The following CPS1 variants were observed in gnomAD, a reference collection of about 807,000 sequenced individuals.
CPS1 encodes carbamoyl-phosphate synthase [ammonia], mitochondrial.
In CPS1, 109 loss-of-function variants were observed where a neutral mutation model predicts 174.6. That is an observed-to-expected ratio of 0.62 (90% CI 0.53 to 0.73). The LOEUF (loss-of-function observed/expected upper bound fraction) is 0.73, where lower values mean the gene tolerates loss of function less well. Ranked by LOEUF, CPS1 falls within the 30% of genes least tolerant of loss-of-function variation. CPS1 has a pLI of 0.00. For missense variants in CPS1, 1,689 were observed against 1,821.9 expected (o/e 0.93, Z 1.33); for synonymous variants, 637 against 632.0 (o/e 1.01, Z -0.12).
At chr2:210,568,595 T>C (rs1697374788) in intron 1 of CPS1, among the ~76,000 whole-genome samples, 1 of 151,998 alleles carries the variant, frequency 6.6e-6, no homozygotes, top group Admixed American at 6.6e-5. Context: ...TGTGATGAGG[T>C]AGAACTATTT....
intron 20 of CPS1, 24 bp downstream of exon 20, chr2:210,612,317 A>G (rs1460230087): frequency 6.2e-7 from 1 of 1,610,380 alleles, no homozygotes; most frequent in East Asian, 2.2e-5. Flanking sequence ...AGGGGCCCAC[A>G]GCTACTAGTT....
chr2:210,491,743 G>A (rs1043808893), intron 1 of CPS1, among the ~76,000 whole-genome samples: 1 of 152,150 alleles, frequency 6.6e-6, no homozygotes, highest in Non-Finnish European at 1.5e-5. Context: ...GAACAGATCT[G>A]TCAGCCCTGG....
intron 1 of CPS1, among the ~76,000 whole-genome samples, chr2:210,568,258 A>G (rs1001204929): frequency 2.6e-5 from 4 of 152,106 alleles, no homozygotes; most frequent in African/African-American, 9.7e-5. Context: ...CGAGGAAGAC[A>G]TTTATGCACA....
At chr2:210,550,383 C>G (rs1003672240) in intron 1 of CPS1, among the ~76,000 whole-genome samples, 21 of 151,938 alleles carry the variant, frequency 1.4e-4, no homozygotes, top group African/African-American at 4.6e-4. Flanking sequence ...AATTGACATG[C>G]TCCAAGAGGA....
rs758724746 is a variant in CPS1, at chr2:210,608,507, G to A, written c.2339G>A (p.Arg780His). The change falls in exon 19 of 38, where the codon CGT (arginine) becomes CAT (histidine). Residue 780 changes from arginine (R) to histidine (H), a missense_variant. Transcript: ENST00000233072. Reference sequence around the variant, plus strand: ...AAGATTCCCCGCTGGGATCTTGACCGTTTTCATGGAACATCTAGCCGAATT... The same window carrying A: ...AAGATTCCCCGCTGGGATCTTGACCATTTTCATGGAACATCTAGCCGAATT... ...VTKIPRWDLD[R>H]FHGTSSRIGS... 23 of 1,612,086 alleles carry A rather than the reference G, an allele frequency of 1.4e-5. No individual in the cohort carries two copies. The highest frequency in any genetic ancestry group is 3.3e-5 in the South Asian group (3 of 91,052).
chr2:210,654,242 T>C, intron 29 of CPS1, 140 bp downstream of exon 29: 1 of 735,412 alleles, frequency 1.4e-6, no homozygotes. Flanking sequence ...GTAAAAAAAA[T>C]CAAATTCTCT....
Position 210,590,185 on chromosome 2 carries a change from G to C in CPS1, c.791G>C (p.Gly264Ala). The C allele has an allele frequency of 6.2e-7, 1 of 1,612,938 alleles. No individual in the cohort carries two copies. Among genetic ancestry groups the C allele is most frequent in the Admixed American group, 1.7e-5 (1 of 59,958 alleles). ...TATGATGGGATTTTGATCGCGGGAG[G>C]ACCGGGGAACCCAGCTCTTGCAGAA... is the stretch of plus-strand genomic sequence containing the variant. ...MEYDGILIAG[G>A]PGNPALAEPL... The change falls in exon 8 of 38, where the codon GGA (glycine) becomes GCA (alanine). Residue 264 changes from glycine to alanine, a missense_variant. Coordinates refer to ENST00000233072, the MANE Select transcript of CPS1 (RefSeq NM_001875.5).
At chr2:210,604,656 A>G (rs1240145757) in intron 16 of CPS1, among the ~76,000 whole-genome samples, 1 of 151,852 alleles carries the variant, frequency 6.6e-6, no homozygotes, top group East Asian at 2.0e-4. Context: ...ATCAACATCA[A>G]CTAACTTTTA....
chr2:210,564,382 T>G (rs1697211188), intron 1 of CPS1, among the ~76,000 whole-genome samples: 1 of 149,352 alleles, frequency 6.7e-6, no homozygotes, highest in Non-Finnish European at 1.5e-5. Context: ...TAACAATGAT[T>G]TTTTTTTTTT....
At chr2:210,524,951 A>C (rs1695934378) in intron 1 of CPS1, among the ~76,000 whole-genome samples, 1 of 152,008 alleles carries the variant, frequency 6.6e-6, no homozygotes, top group South Asian at 2.1e-4. Flanking sequence ...AAGAAGTATT[A>C]GTTTTTACAA....
chr2:210,564,002 G>T (rs1212604238), intron 1 of CPS1, among the ~76,000 whole-genome samples: 1 of 152,118 alleles, frequency 6.6e-6, no homozygotes, highest in Non-Finnish European at 1.5e-5. Flanking sequence ...TCACTTATTT[G>T]TGGTCCCATA....
chr2:210,556,731 A>C lies in CPS1; in HGVS notation c.-3A>C. The C allele has an allele frequency of 6.5e-7, 1 of 1,542,842 alleles. No individual in the cohort carries two copies. Among genetic ancestry groups the C allele is most frequent in the Non-Finnish European group, 8.9e-7 (1 of 1,129,334 alleles). On this transcript the variant is annotated 5_prime_UTR_variant, in exon 1 of 38. Coordinates refer to ENST00000233072, the MANE Select transcript of CPS1 (RefSeq NM_001875.5). ...CATTTAATTTTAGCCACAAATCATC[A>C]AAATGACGAGGATTTTGACAGCTTT... is the stretch of plus-strand genomic sequence containing the variant.
chr2:210,623,556 A>G (rs1699606292), intron 21 of CPS1, among the ~76,000 whole-genome samples: 1 of 152,150 alleles, frequency 6.6e-6, no homozygotes, highest in Non-Finnish European at 1.5e-5. Flanking sequence ...CGAAATCACT[A>G]TGTTCAATGT....
At chr2:210,607,310 T>C (rs967100244) in intron 18 of CPS1, among the ~76,000 whole-genome samples, 7 of 152,046 alleles carry the variant, frequency 4.6e-5, no homozygotes, top group Admixed American at 3.3e-4. Flanking sequence ...TAGCAAATAG[T>C]TGACAGAAAA....
intron 1 of CPS1, among the ~76,000 whole-genome samples, chr2:210,510,658 A>T (rs1291978987): frequency 6.6e-6 from 1 of 152,254 alleles, no homozygotes; most frequent in African/African-American, 2.4e-5. Flanking sequence ...TAATATCCAG[A>T]ATCTACAAAG....
chr2:210,575,808 A>T (rs997771560), intron 2 of CPS1, among the ~76,000 whole-genome samples: 1 of 152,038 alleles, frequency 6.6e-6, no homozygotes, highest in African/African-American at 2.4e-5. Context: ...ACTTATTCTA[A>T]ATATTCATTG....
At chr2:210,561,669 C>A (rs1697105302) in intron 1 of CPS1, among the ~76,000 whole-genome samples, 1 of 152,078 alleles carries the variant, frequency 6.6e-6, no homozygotes, top group Non-Finnish European at 1.5e-5. Flanking sequence ...TTTCCTGGGG[C>A]ATTTGCAATG....
intron 1 of CPS1, among the ~76,000 whole-genome samples, chr2:210,507,632 C>T (rs1695326878): frequency 6.6e-6 from 1 of 150,964 alleles, no homozygotes; most frequent in African/African-American, 2.4e-5. Flanking sequence ...TCAGGAAACC[C>T]ATCTCACATG....
intron 1 of CPS1, among the ~76,000 whole-genome samples, chr2:210,502,506 A>G: frequency 6.7e-6 from 1 of 148,248 alleles, no homozygotes; most frequent in African/African-American, 2.4e-5. Context: ...ATAGAGATAT[A>G]TTTTTTATAT....
Sources: gnomAD v4.1 joint callset for allele counts (sites outside exome capture counted in the v4.1 genomes callset) on GRCh38, gnomAD v4.1.1 for gene constraint, MANE v1.5 for transcripts, NCBI Gene and HGNC (gene_info 2026-07-23, HGNC 2026-07-21) for gene names.